The following TRIM37 variants were observed in gnomAD, a reference collection of about 807,000 sequenced individuals.
The protein encoded by TRIM37 is E3 ubiquitin-protein ligase TRIM37.
TRIM37 carries 80 observed loss-of-function variants against 129.8 expected under a neutral mutation model. That is an observed-to-expected ratio of 0.62 (90% confidence interval 0.51 to 0.74). The LOEUF (loss-of-function observed/expected upper bound fraction) is 0.74, where lower values mean the gene tolerates loss of function less well. Ranked by LOEUF, TRIM37 falls within the 30% of genes least tolerant of loss-of-function variation. The pLI, the probability that TRIM37 is intolerant of heterozygous loss-of-function variation, is 0.00. For missense variants in TRIM37, 1,054 were observed against 1,176.5 expected (o/e 0.90, Z 1.52); for synonymous variants, 389 against 387.1 (o/e 1.00, Z -0.06).
chr17:59,101,695 T>TATACAC (rs1405459768), intron 2 of TRIM37, among the ~76,000 whole-genome samples: 1 of 89,670 alleles, frequency 1.1e-5, no homozygotes, highest in South Asian at 3.5e-4. Flanking sequence ...TATATATATA[T>TATACAC]ACACACACAC....
rs1352444088 is a variant in TRIM37 at position 59,101,669 on chromosome 17, AAAAAAAAAATAT to A, written c.123+2612_123+2623del. ...CCCCATCTCTACAAAAAAAAAAAAA[AAAAAAAAAATAT>A]ATATATATATATATACACACACACA... On this transcript the variant is annotated intron_variant, in intron 2 of 23. Coordinates refer to ENST00000262294, the MANE Select transcript of TRIM37 (RefSeq NM_015294.6). Among the ~76,000 whole-genome samples the A allele has an allele frequency of 6.7e-3, 797 of 119,084 alleles. 17 individuals are homozygous for A. The highest frequency in any genetic ancestry group is 0.027 in the African/African-American group (747 of 27,766). 78.1% of individuals were successfully genotyped at this position (119,084 alleles called of 152,430 possible). A position where few individuals can be genotyped will look rare whatever the true frequency, so the allele number is the denominator to read the frequency against.
chr17:59,010,839 G>A (rs1431906636), intron 22 of TRIM37, among the ~76,000 whole-genome samples: 1 of 152,074 alleles, frequency 6.6e-6, no homozygotes, highest in African/African-American at 2.4e-5. Flanking sequence ...AGTAATTTAA[G>A]CTACTACAAT....
chr17:59,063,341 A>G lies in TRIM37; in HGVS notation c.861-693T>C, dbSNP rs1440242083. On this transcript the variant is annotated intron_variant, in intron 10 of 23. Transcript: ENST00000262294. ...ATTACAGGCGCCCACCACCACGCCC[A>G]GCTAATTTTTGTATTTTTAGTAGAG... 3.3e-5 allele frequency among the ~76,000 whole-genome samples: 5 copies of G among 151,924 alleles called. No homozygotes were observed. The East Asian group carries it at 9.7e-4, about 29-fold the overall frequency.
At chr17:59,106,385 A>C in intron 1 of TRIM37, 56 bp downstream of exon 1, 1 of 1,612,038 alleles carries the variant, frequency 6.2e-7, no homozygotes, top group Non-Finnish European at 8.5e-7. Flanking sequence ...TCCCCGAATA[A>C]AAACCGCTCA....
At chr17:58,996,561 G>C (rs2033019503), downstream of TRIM37, among the ~76,000 whole-genome samples, 2 of 151,664 alleles carry the variant, frequency 1.3e-5, no homozygotes, top group African/African-American at 4.8e-5. Flanking sequence ...CTGAGGCAGG[G>C]GGATCACTTT....
At chr17:58,993,165 C>T (rs115459002) in intron 24 of TRIM37, among the ~76,000 whole-genome samples, 2,499 of 152,306 alleles carry the variant, frequency 0.016, 53 homozygotes, top group African/African-American at 0.048. Context: ...TCTGCCACCA[C>T]ATGAGATGTG....
chr17:59,030,445 A>G (rs562510755), intron 18 of TRIM37, among the ~76,000 whole-genome samples: 64 of 152,222 alleles, frequency 4.2e-4, no homozygotes, highest in Non-Finnish European at 6.9e-4. Flanking sequence ...GTCCTTTCTA[A>G]TTTGATGTCA....
At chr17:59,083,956 C>G (rs1000239381) in intron 5 of TRIM37, 46 bp downstream of exon 5, 25 of 1,479,176 alleles carry the variant, frequency 1.7e-5, no homozygotes, top group Non-Finnish European at 2.1e-5. Flanking sequence ...ATTTCAGTGC[C>G]TTCTAGCCTC....
chr17:59,044,271 C>T (rs1281483306), intron 16 of TRIM37, among the ~76,000 whole-genome samples: 1 of 152,162 alleles, frequency 6.6e-6, no homozygotes, highest in Admixed American at 6.5e-5. Flanking sequence ...CACGCGACCA[C>T]TGCACTCCAG....
At chr17:59,054,370 C>T (rs572541194) in intron 13 of TRIM37, among the ~76,000 whole-genome samples, 22 of 152,110 alleles carry the variant, frequency 1.4e-4, no homozygotes, top group African/African-American at 5.3e-4. Flanking sequence ...GGTGAAATCT[C>T]GGCTCACTGC....
the TRIM37 span, among the ~76,000 whole-genome samples, chr17:58,973,478 A>C: frequency 7.3e-5 from 11 of 151,492 alleles, no homozygotes; most frequent in Middle Eastern, 3.5e-3. Context: ...ATACATTTAA[A>C]ATTTTATGGA....
At chr17:59,091,492 T>C (rs1438193448) in intron 2 of TRIM37, 152 bp from the exon 3 acceptor site, 3 of 142,906 alleles carry the variant, frequency 2.1e-5, no homozygotes, top group Non-Finnish European at 4.4e-5. Flanking sequence ...ATATATAATA[T>C]ATTATTATAT....
chr17:59,046,212 T>G (rs35249354), intron 16 of TRIM37, among the ~76,000 whole-genome samples: 2 of 152,010 alleles, frequency 1.3e-5, no homozygotes, highest in African/African-American at 4.8e-5. Flanking sequence ...TAGGAAAAAG[T>G]AGGATGAAAA....
chr17:59,006,219 T>C (rs1042699110), intron 22 of TRIM37, among the ~76,000 whole-genome samples: 1 of 152,162 alleles, frequency 6.6e-6, no homozygotes, highest in Non-Finnish European at 1.5e-5. Flanking sequence ...TTTGTGAATG[T>C]AAAGAAAAAG....
At chr17:59,028,257 T>C (rs547999796) in intron 19 of TRIM37, among the ~76,000 whole-genome samples, 158 bp downstream of exon 19, 47 of 152,338 alleles carry the variant, frequency 3.1e-4, no homozygotes, top group African/African-American at 1.1e-3. Flanking sequence ...ATAGTAAAAA[T>C]ATACGGAATC....
At chr17:59,081,964 A>AAAAAAAAAT (rs1568200247) in intron 5 of TRIM37, among the ~76,000 whole-genome samples, 1 of 87,216 alleles carries the variant, frequency 1.1e-5, no homozygotes, top group South Asian at 3.9e-4. Flanking sequence ...AAAAAAAAAA[A>AAAAAAAAAT]AATAATAATA....
chr17:59,024,239 AT>A lies in TRIM37; in HGVS notation c.2257+4175del, dbSNP rs201913450. Among the ~76,000 whole-genome samples the A allele has an allele frequency of 9.3e-3, 1,264 of 136,276 alleles. 22 individuals are homozygous for A. The highest frequency in any genetic ancestry group is 0.033 in the African/African-American group (1,173 of 35,930). The allele number at this position is 136,276 out of a possible 152,430, so 89.4% of individuals were successfully genotyped here. On this transcript the variant is annotated intron_variant, in intron 19 of 23. Coordinates refer to ENST00000262294, the MANE Select transcript of TRIM37 (RefSeq NM_015294.6). ...CAAAAAAAAAAAAAAAAAAAAAAAA[AT>A]TGCCACATTGGTTGAATACAGAATA...
chr17:59,038,945 C>T (rs866214944), intron 17 of TRIM37, among the ~76,000 whole-genome samples: 5 of 152,158 alleles, frequency 3.3e-5, no homozygotes, highest in African/African-American at 1.2e-4. Context: ...ACAGCCGTAA[C>T]TACAGCTTTG....
At chr17:58,994,480 G>C (rs1439763278), downstream of TRIM37, among the ~76,000 whole-genome samples, 1 of 152,154 alleles carries the variant, frequency 6.6e-6, no homozygotes, top group Non-Finnish European at 1.5e-5. Flanking sequence ...CCAGCTACCT[G>C]AGAGGCTGAG....
Sources: allele counts gnomAD v4.1 joint callset (sites outside exome capture counted in the v4.1 genomes callset), GRCh38; gene constraint gnomAD v4.1.1; transcripts MANE v1.5; gene names NCBI Gene and HGNC (gene_info 2026-07-23, HGNC 2026-07-21).